Variants in NUP37 observed in about 807,000 individuals in gnomAD.
NUP37 encodes the protein nucleoporin 37, also known as nucleoporin Nup37.
A neutral mutation model predicts 45.4 loss-of-function variants in NUP37; 33 were observed. The ratio of observed to expected loss-of-function variants is 0.73; its 90% confidence interval spans 0.55 to 0.97. The LOEUF (loss-of-function observed/expected upper bound fraction) is 0.97, where lower values mean the gene tolerates loss of function less well. NUP37 is among the 50% of genes least tolerant of loss of function. The pLI is 0.00. For missense variants in NUP37, 365 were observed against 389.7 expected (o/e 0.94, Z 0.53); for synonymous variants, 127 against 130.7 (o/e 0.97, Z 0.19).
intron 3 of NUP37, among the ~76,000 whole-genome samples, chr12:102,104,887 A>G (rs1045943443): frequency 1.3e-5 from 2 of 152,198 alleles, no homozygotes; most frequent in African/African-American, 4.8e-5. Context: ...AAGTGTGAGA[A>G]CTTCAGCTTT....
chr12:102,112,252 G>A lies in NUP37; in HGVS notation c.157-20C>T, dbSNP rs182373700. Reference sequence around the variant, plus strand: ...TTCTTCCTAAGCATACACAGTAAATGTTTTAATAAGTAATGAGAACAAACA... The same window carrying A: ...TTCTTCCTAAGCATACACAGTAAATATTTTAATAAGTAATGAGAACAAACA... On this transcript the variant is annotated intron_variant, in intron 2 of 9. Transcript: ENST00000552283. 8.3e-4 allele frequency: 1,309 copies of A among 1,584,500 alleles called. 16 individuals carry two copies. Among genetic ancestry groups the A allele is most frequent in the Non-Finnish European group, 1.6e-4 (185 of 1,156,798 alleles).
intron 4 of NUP37, among the ~76,000 whole-genome samples, chr12:102,099,945 T>C (rs1353750586): frequency 6.6e-6 from 1 of 152,130 alleles, no homozygotes; most frequent in Non-Finnish European, 1.5e-5. Flanking sequence ...AAAGCAGTTC[T>C]ATATAGTACT....
Position 102,074,313 on chromosome 12 carries a change from T to C in NUP37, c.*41A>G, listed in dbSNP as rs1481103836. The C allele has an allele frequency of 2.4e-6, 3 of 1,259,988 alleles. No individual in the cohort carries two copies. In the South Asian group the frequency reaches 3.8e-5, roughly 16 times the overall value. 78.1% of individuals were successfully genotyped at this position (1,259,988 alleles called of 1,614,324 possible). On this transcript the variant is annotated 3_prime_UTR_variant, in exon 10 of 10. Transcript: ENST00000552283. ...TATAGAAATTCTTCAAAATATGTAC[T>C]AAAAATACAAAGTTTGTGAATCTAA...
intron 5 of NUP37, among the ~76,000 whole-genome samples, chr12:102,096,407 G>A (rs559117166): frequency 6.4e-4 from 97 of 152,076 alleles, no homozygotes; most frequent in African/African-American, 2.3e-3. Context: ...TTCAGAATTT[G>A]GCAATTTTCA....
chr12:102,076,944 T>G, intron 7 of NUP37, 97 bp from the exon 8 acceptor site: 1 of 817,994 alleles, frequency 1.2e-6, no homozygotes, highest in Non-Finnish European at 2.0e-6. Context: ...GGACAGAATG[T>G]CCAATGTGTT....
At chr12:102,092,645 A>C (rs1188557723) in intron 5 of NUP37, among the ~76,000 whole-genome samples, 1 of 152,162 alleles carries the variant, frequency 6.6e-6, no homozygotes, top group Non-Finnish European at 1.5e-5. Context: ...TTCAGTGCTA[A>C]AATATCTGGT....
chr12:102,077,844 A>G (rs1879219338), intron 6 of NUP37, among the ~76,000 whole-genome samples: 2 of 152,238 alleles, frequency 1.3e-5, no homozygotes, highest in Admixed American at 1.3e-4. Context: ...CCCATTCCCA[A>G]GGTATCTCAT....
intron 3 of NUP37, among the ~76,000 whole-genome samples, chr12:102,104,408 C>A (rs926045423): frequency 1.3e-5 from 2 of 152,058 alleles, no homozygotes; most frequent in Non-Finnish European, 2.9e-5. Flanking sequence ...ATATTTTCCC[C>A]CATTCTATGG....
intron 1 of NUP37, 120 bp downstream of exon 1, chr12:102,119,930 C>A (rs1880710027): frequency 6.5e-6 from 1 of 153,736 alleles, no homozygotes; most frequent in African/African-American, 2.4e-5. Flanking sequence ...TTCCTCAAGA[C>A]CCCGCTCCCA....
At chr12:102,117,830 C>T (rs1880508642) in intron 2 of NUP37, among the ~76,000 whole-genome samples, 1 of 152,132 alleles carries the variant, frequency 6.6e-6, no homozygotes, top group Non-Finnish European at 1.5e-5. Context: ...GTAGGCATTC[C>T]AGTTCTAGAA....
At chr12:102,084,884 T>A (rs1294159236) in intron 6 of NUP37, among the ~76,000 whole-genome samples, 1 of 152,114 alleles carries the variant, frequency 6.6e-6, no homozygotes, top group Admixed American at 6.6e-5. Context: ...TACTGGCAAA[T>A]GAGAGAATTC....
intron 7 of NUP37, 111 bp downstream of exon 7, chr12:102,077,211 G>T: frequency 9.0e-7 from 1 of 1,110,838 alleles, no homozygotes; most frequent in Non-Finnish European, 1.4e-6. Context: ...GGAAAGACTT[G>T]CTTTCGCTTG....
In NUP37 at chr12:102,081,757, C is replaced by A. The variant is rs186850163; in HGVS notation, c.540+4009G>T. Among the ~76,000 whole-genome samples the A allele has an allele frequency of 9.9e-5, 15 of 151,752 alleles. No homozygotes were observed. The East Asian group carries it at 2.3e-3, about 24-fold the overall frequency. Reference sequence around the variant, plus strand: ...ACAGAGTCTCATTCTGTTGCCCAGGCTGAAGGGCTCACTGCACCCTTAACC... The same window carrying A: ...ACAGAGTCTCATTCTGTTGCCCAGGATGAAGGGCTCACTGCACCCTTAACC... On this transcript the variant is annotated intron_variant, in intron 6 of 9. Coordinates refer to ENST00000552283, the MANE Select transcript of NUP37 (RefSeq NM_024057.4).
At chr12:102,117,508 T>C (rs17032265) in intron 2 of NUP37, among the ~76,000 whole-genome samples, 6,343 of 152,184 alleles carry the variant, frequency 0.042, 200 homozygotes, top group African/African-American at 0.08. Context: ...GTCCTGAGGG[T>C]TGAACCTTCA....
intron 4 of NUP37, 120 bp downstream of exon 4, chr12:102,100,912 T>C: frequency 1.7e-6 from 1 of 590,526 alleles, no homozygotes; most frequent in Non-Finnish European, 3.0e-6. Flanking sequence ...AGACTCTAAA[T>C]TATATACTTT....
At chr12:102,115,253 G>C (rs1033931928) in intron 2 of NUP37, among the ~76,000 whole-genome samples, 6 of 152,174 alleles carry the variant, frequency 3.9e-5, no homozygotes, top group African/African-American at 1.2e-4. Flanking sequence ...TACAGAGGAA[G>C]ATGCAGAGAG....
intron 5 of NUP37, among the ~76,000 whole-genome samples, chr12:102,097,621 G>A (rs765505192): frequency 8.5e-5 from 13 of 152,092 alleles, no homozygotes; most frequent in African/African-American, 2.4e-4. Flanking sequence ...TCCGGCTTTC[G>A]TTCACTATTC....
intron 5 of NUP37, among the ~76,000 whole-genome samples, chr12:102,087,913 C>T (rs1263799919): frequency 6.6e-6 from 1 of 151,936 alleles, no homozygotes; most frequent in Non-Finnish European, 1.5e-5. Context: ...TATTCCTGTC[C>T]AATGAACCAA....
chr12:102,115,618 G>A (rs1267830071), intron 2 of NUP37, among the ~76,000 whole-genome samples: 2 of 152,160 alleles, frequency 1.3e-5, no homozygotes, highest in Non-Finnish European at 2.9e-5. Context: ...ACAAATACAC[G>A]ACACCAGTTA....
Sources: gnomAD v4.1 joint callset for allele counts (sites outside exome capture counted in the v4.1 genomes callset) on GRCh38, gnomAD v4.1.1 for gene constraint, MANE v1.5 for transcripts, NCBI Gene and HGNC (gene_info 2026-07-23, HGNC 2026-07-21) for gene names.